Variants in LINGO2 observed in about 807,000 individuals in gnomAD.
LINGO2 encodes the protein leucine rich repeat and Ig domain containing 2, also known as leucine-rich repeat and immunoglobulin-like domain-containing nogo receptor-interacting protein 2.
LINGO2 carries 14 observed loss-of-function variants against 30.6 expected under a neutral mutation model. The observed-to-expected ratio is 0.46, with a 90% CI of 0.30 to 0.72. LINGO2 has a LOEUF of 0.72. Among genes scored for constraint, LINGO2 ranks in the 30% least tolerant of loss-of-function variants. The pLI is 0.07. For synonymous variants in LINGO2, 317 were observed against 288.5 expected (o/e 1.10, Z -1.00); for missense variants, 729 against 751.7 (o/e 0.97, Z 0.35).
chr9:29,119,574 C>T, the LINGO2 span, among the ~76,000 whole-genome samples: 1 of 138,184 alleles, frequency 7.2e-6, no homozygotes, highest in Non-Finnish European at 1.5e-5. Flanking sequence ...AAACAGTTGT[C>T]ATCTTTTTTT....
chr9:28,290,796 G>C (rs935687776), intron 4 of LINGO2, among the ~76,000 whole-genome samples: 1 of 152,096 alleles, frequency 6.6e-6, no homozygotes, highest in African/African-American at 2.4e-5. Flanking sequence ...CCTGAGGAAG[G>C]AACTCAGAGA....
chr9:29,167,519 C>G, the LINGO2 span, among the ~76,000 whole-genome samples: 1 of 152,112 alleles, frequency 6.6e-6, no homozygotes, highest in African/African-American at 2.4e-5. Context: ...AGCAAAACAT[C>G]TGAATGATAT....
At chr9:28,730,430 T>C in the LINGO2 span, among the ~76,000 whole-genome samples, 1 of 152,146 alleles carries the variant, frequency 6.6e-6, no homozygotes, top group African/African-American at 2.4e-5. Context: ...AACAAATAAA[T>C]CTGTCCTGAT....
At chr9:27,999,704 C>T (rs766123689) in intron 5 of LINGO2, among the ~76,000 whole-genome samples, 1 of 152,130 alleles carries the variant, frequency 6.6e-6, no homozygotes, top group African/African-American at 2.4e-5. Context: ...ACTGACTTCT[C>T]TAAGTCCAAT....
chr9:28,732,238 T>C, the LINGO2 span, among the ~76,000 whole-genome samples: 2 of 151,940 alleles, frequency 1.3e-5, no homozygotes, highest in Non-Finnish European at 1.5e-5. Flanking sequence ...ATTTAAACGC[T>C]CATCGAAGCC....
intron 4 of LINGO2, among the ~76,000 whole-genome samples, chr9:28,062,564 A>AGTATATATACACAATCAAATATATTTT (rs1563952866): frequency 8.4e-4 from 41 of 49,040 alleles, no homozygotes; most frequent in African/African-American, 2.1e-3. Flanking sequence ...ATACATATAT[A>AGTATATATACACAATCAAATATATTTT]GTATATATAC....
intron 4 of LINGO2, among the ~76,000 whole-genome samples, chr9:28,047,276 G>A (rs1824467104): frequency 1.3e-5 from 2 of 152,088 alleles, no homozygotes; most frequent in East Asian, 1.9e-4. Flanking sequence ...GTCGGAGCTT[G>A]CCCTCCTTTT....
chr9:28,152,741 G>T (rs537955163), intron 4 of LINGO2, among the ~76,000 whole-genome samples: 81 of 152,082 alleles, frequency 5.3e-4, no homozygotes, highest in Middle Eastern at 3.4e-3. Flanking sequence ...ATAATTAAAT[G>T]TAAAAAAATA....
chr9:29,152,444 T>C, the LINGO2 span, among the ~76,000 whole-genome samples: 1 of 152,064 alleles, frequency 6.6e-6, no homozygotes, highest in African/African-American at 2.4e-5. Flanking sequence ...ATAAGGAAAA[T>C]ATGTTACATA....
the LINGO2 span, among the ~76,000 whole-genome samples, chr9:28,909,067 T>C: frequency 2.6e-5 from 4 of 151,978 alleles, no homozygotes; most frequent in Non-Finnish European, 5.9e-5. Context: ...GTTTAGATTA[T>C]AAGCATCTTC....
At chr9:28,997,665 TACAACAA>T in the LINGO2 span, among the ~76,000 whole-genome samples, 1 of 151,798 alleles carries the variant, frequency 6.6e-6, no homozygotes, top group East Asian at 1.9e-4. Flanking sequence ...CTCTTAAAAA[TACAACAA>T]ATTAGCTGGG....
exon 6 of LINGO2, chr9:27,949,085 G>A: frequency 6.2e-7 from 1 of 1,614,130 alleles, no homozygotes; most frequent in Non-Finnish European, 8.5e-7. Context: ...TATTGGCATT[G>A]GTGCCATTGG....
the LINGO2 span, among the ~76,000 whole-genome samples, chr9:28,996,086 C>T: frequency 6.7e-6 from 1 of 148,404 alleles, no homozygotes; most frequent in African/African-American, 2.5e-5. Flanking sequence ...TTTTGATAGG[C>T]TTTTCTGTGA....
At chr9:28,369,184 TTAC>T (rs1485325367) in intron 3 of LINGO2, among the ~76,000 whole-genome samples, 2 of 152,170 alleles carry the variant, frequency 1.3e-5, no homozygotes, top group Non-Finnish European at 2.9e-5. Flanking sequence ...TTCATTATTA[TTAC>T]TTTTCTGATT....
In LINGO2 at chr9:28,632,229, G is replaced by C. The variant is rs141065436; in HGVS notation, c.-365+37971C>G. Among the ~76,000 whole-genome samples, 528 of 152,140 alleles carry C rather than the reference G, an allele frequency of 3.5e-3. 6 individuals carry two copies. Among genetic ancestry groups the C allele is most frequent in the African/African-American group, 0.012 (512 of 41,532 alleles). ...GGAAGTGTTAAGAATCTATAATGAA[G>C]ACAGAATTGCATACGTTAAAGTGGG... is the stretch of plus-strand genomic sequence containing the variant. On this transcript the variant is annotated intron_variant, in intron 1 of 5. Coordinates refer to ENST00000379992, the Ensembl canonical transcript of LINGO2.
At chr9:28,495,696 G>A (rs1049334889) in intron 1 of LINGO2, among the ~76,000 whole-genome samples, 18 of 152,094 alleles carry the variant, frequency 1.2e-4, no homozygotes, top group Non-Finnish European at 2.1e-4. Context: ...CTTGCCTTCT[G>A]ATAGCTTTTG....
intron 4 of LINGO2, among the ~76,000 whole-genome samples, chr9:28,246,789 A>C (rs575803029): frequency 8.5e-5 from 13 of 152,348 alleles, no homozygotes; most frequent in African/African-American, 3.1e-4. Flanking sequence ...TGCACAGCAA[A>C]AGAAACTATC....
the LINGO2 span, among the ~76,000 whole-genome samples, chr9:29,161,318 G>A: frequency 6.6e-6 from 1 of 152,162 alleles, no homozygotes; most frequent in African/African-American, 2.4e-5. Flanking sequence ...GCCCCTGGGT[G>A]TTCTTTCAGC....
At chr9:28,224,586 G>A (rs4582645) in intron 4 of LINGO2, among the ~76,000 whole-genome samples, 38,805 of 151,978 alleles carry the variant, frequency 0.26, 5,388 homozygotes, top group Admixed American at 0.31. Flanking sequence ...ACCCTACTGA[G>A]CTATCAAACA....
Sources: allele counts gnomAD v4.1 joint callset (sites outside exome capture counted in the v4.1 genomes callset), GRCh38; gene constraint gnomAD v4.1.1; transcripts MANE v1.5; gene names NCBI Gene and HGNC (gene_info 2026-07-23, HGNC 2026-07-21).